Variants in ZBTB20 observed in about 807,000 individuals in gnomAD.
ZBTB20 encodes the protein zinc finger and BTB domain-containing protein 20.
Under a neutral mutation model 56.9 loss-of-function variants are expected in ZBTB20, and 9 were observed. The ratio of observed to expected loss-of-function variants is 0.16; its 90% CI spans 0.10 to 0.28. ZBTB20 has a LOEUF of 0.28. Among genes scored for constraint, ZBTB20 ranks in the 10% least tolerant of loss-of-function variants. ZBTB20 has a pLI of 1.00. For missense variants in ZBTB20, 655 were observed against 1,003.0 expected (o/e 0.65, Z 4.69); for synonymous variants, 417 against 420.7 (o/e 0.99, Z 0.11).
At chr3:114,471,734 GACTCT>G (rs751811848) in intron 7 of ZBTB20, among the ~76,000 whole-genome samples, 8 of 152,126 alleles carry the variant, frequency 5.3e-5, no homozygotes, top group Non-Finnish European at 8.8e-5. Context: ...TATAACTGAG[GACTCT>G]ACTCAAAAAA....
At chr3:114,980,222 C>G (rs2078272607) in intron 2 of ZBTB20, among the ~76,000 whole-genome samples, 1 of 151,836 alleles carries the variant, frequency 6.6e-6, no homozygotes, top group Non-Finnish European at 1.5e-5. Flanking sequence ...TTCTTAAAAA[C>G]CAACACATCA....
Position 114,630,041 on chromosome 3 carries a change from G to A in ZBTB20, c.-295+63487C>T, listed in dbSNP as rs186260492. Among the ~76,000 whole-genome samples the A allele has an allele frequency of 9.1e-4, 139 of 152,294 alleles. 2 individuals carry two copies. In the Middle Eastern group the frequency reaches 0.044, roughly 48 times the overall value. On this transcript the variant is annotated intron_variant, in intron 6 of 11. Coordinates refer to ENST00000675478, the MANE Select transcript of ZBTB20 (RefSeq NM_001348800.3). ...TGCAGTCCCAGCTACTTGTGGGGCT[G>A]AGGTGAGAGGATCGCTTGATTCCAG...
At chr3:114,748,340 TC>T (rs1299605343) in intron 5 of ZBTB20, among the ~76,000 whole-genome samples, 8 of 70,110 alleles carry the variant, frequency 1.1e-4, no homozygotes, top group East Asian at 4.5e-4. Context: ...CTTTCTTCTT[TC>T]TTTCTTTCTT....
chr3:114,765,117 T>C (rs2068698208), intron 5 of ZBTB20, among the ~76,000 whole-genome samples: 1 of 152,174 alleles, frequency 6.6e-6, no homozygotes, highest in Non-Finnish European at 1.5e-5. Flanking sequence ...AGCTAAGAAC[T>C]ATGTACAGCT....
chr3:114,621,364 A>G (rs558385749), intron 6 of ZBTB20, among the ~76,000 whole-genome samples: 1 of 152,330 alleles, frequency 6.6e-6, no homozygotes, highest in South Asian at 2.1e-4. Context: ...ATCAAAGGCA[A>G]GTAAGCCTGG....
chr3:114,362,384 T>C (rs1047918324), intron 10 of ZBTB20, among the ~76,000 whole-genome samples: 2 of 152,198 alleles, frequency 1.3e-5, no homozygotes, highest in Non-Finnish European at 2.9e-5. Flanking sequence ...TTCTTTATAA[T>C]GTGTGGGTTC....
chr3:115,097,584 G>T (rs764994478), intron 1 of ZBTB20, among the ~76,000 whole-genome samples: 32 of 152,142 alleles, frequency 2.1e-4, no homozygotes, highest in Non-Finnish European at 4.3e-4. Context: ...GCATGGCAAA[G>T]CATGAAGTAA....
At chr3:114,977,038 A>C (rs978216861) in intron 2 of ZBTB20, among the ~76,000 whole-genome samples, 1 of 152,204 alleles carries the variant, frequency 6.6e-6, no homozygotes, top group Non-Finnish European at 1.5e-5. Flanking sequence ...AGGGGAAAAT[A>C]TATTAAATGG....
chr3:114,745,478 A>G (rs191438178), intron 5 of ZBTB20, among the ~76,000 whole-genome samples: 2 of 152,276 alleles, frequency 1.3e-5, no homozygotes, highest in Admixed American at 6.5e-5. Flanking sequence ...GGATAAAGAG[A>G]CCACTAGTCA....
At chr3:115,120,624 T>G (rs2084158984) in intron 1 of ZBTB20, among the ~76,000 whole-genome samples, 1 of 152,058 alleles carries the variant, frequency 6.6e-6, no homozygotes, top group Non-Finnish European at 1.5e-5. Flanking sequence ...CTAAAAATGA[T>G]ACCAAATGGT....
At chr3:114,850,351 G>C (rs570748915) in intron 4 of ZBTB20, among the ~76,000 whole-genome samples, 2 of 152,306 alleles carry the variant, frequency 1.3e-5, no homozygotes, top group African/African-American at 4.8e-5. Flanking sequence ...TTCATAGGGA[G>C]TAGATGGTGT....
Position 115,007,226 on chromosome 3 carries a change from G to A in ZBTB20, c.-506-32810C>T, listed in dbSNP as rs73857882. On this transcript the variant is annotated intron_variant, in intron 2 of 11. Transcript: ENST00000675478. ...AAAATATGTTTTGATAAAATCAAGT[G>A]AAATATCCTTTATGACTTCAACTTC... Among the ~76,000 whole-genome samples, 580 of 151,698 alleles carry A rather than the reference G, an allele frequency of 3.8e-3. 5 individuals are homozygous for A. Among genetic ancestry groups the A allele is most frequent in the African/African-American group, 0.013 (559 of 41,480 alleles).
chr3:114,371,925 CA>C (rs1164378740), intron 10 of ZBTB20, among the ~76,000 whole-genome samples: 3,524 of 118,690 alleles, frequency 0.03, 37 homozygotes, highest in South Asian at 0.089. Flanking sequence ...AAAAAGAAAG[CA>C]AAAAAAAAAA....
At chr3:114,625,295 C>T (rs1357897086) in intron 6 of ZBTB20, among the ~76,000 whole-genome samples, 2 of 151,932 alleles carry the variant, frequency 1.3e-5, no homozygotes, top group Non-Finnish European at 2.9e-5. Flanking sequence ...AAAAAGAGGG[C>T]ACTGGTAGAG....
At chr3:114,591,060 T>C (rs1205075418) in intron 6 of ZBTB20, among the ~76,000 whole-genome samples, 1 of 152,230 alleles carries the variant, frequency 6.6e-6, no homozygotes, top group African/African-American at 2.4e-5. Flanking sequence ...ACAGCTACTA[T>C]TAGCGCTCTA....
rs1310200454 is a variant in ZBTB20 at position 114,568,633 on chromosome 3, T to G, written c.-294-68242A>C. 3.3e-5 allele frequency among the ~76,000 whole-genome samples: 5 copies of G among 152,182 alleles called. No homozygotes were observed. In the South Asian group the frequency reaches 1.0e-3, roughly 32 times the overall value. The stretch of plus-strand genomic sequence containing the variant: ...ATTCTTTAAGTGGATAGGGAAGATA[T>G]TTACCTACCAAATGCTTTATTTCTT... On this transcript the variant is annotated intron_variant, in intron 6 of 11. Coordinates refer to ENST00000675478, the MANE Select transcript of ZBTB20 (RefSeq NM_001348800.3).
At chr3:114,953,820 G>A (rs2077157145) in intron 3 of ZBTB20, among the ~76,000 whole-genome samples, 6 of 151,944 alleles carry the variant, frequency 3.9e-5, no homozygotes, top group Admixed American at 3.9e-4. Context: ...AGTAAAAACA[G>A]AACTGAAAAA....
rs996381693 is a variant in ZBTB20 at position 115,026,473 on chromosome 3, T to C, written c.-507+44746A>G. 3.9e-4 allele frequency among the ~76,000 whole-genome samples: 59 copies of C among 151,076 alleles called. 1 individual carries two copies. Among genetic ancestry groups the C allele is most frequent in the African/African-American group, 1.4e-3 (58 of 41,290 alleles). ...CTGTAAAACAGTAAGACCTACATTA[T>C]AGAGTTATTGTGACAATCAGACGGA... On this transcript the variant is annotated intron_variant, in intron 2 of 11. Transcript: ENST00000675478.
chr3:114,479,553 G>GT (rs1231571673), intron 7 of ZBTB20, among the ~76,000 whole-genome samples: 2 of 152,136 alleles, frequency 1.3e-5, no homozygotes, highest in Non-Finnish European at 2.9e-5. Flanking sequence ...TGAACAAGCT[G>GT]TATTTCCATA....
Sources: allele counts gnomAD v4.1 joint callset (sites outside exome capture counted in the v4.1 genomes callset), GRCh38; gene constraint gnomAD v4.1.1; transcripts MANE v1.5; gene names NCBI Gene and HGNC (gene_info 2026-07-23, HGNC 2026-07-21).